The following ELMO1 variants were observed in gnomAD, a reference collection of about 807,000 sequenced individuals.
ELMO1 encodes engulfment and cell motility protein 1.
Under a neutral mutation model 98.9 loss-of-function variants are expected in ELMO1, and 26 were observed. That is an observed-to-expected ratio of 0.26 (90% CI 0.19 to 0.36). The LOEUF (loss-of-function observed/expected upper bound fraction) is 0.36. ELMO1 is among the 10% of genes least tolerant of loss of function. The pLI is 1.00. For synonymous variants in ELMO1, 346 were observed against 346.0 expected (o/e 1.00, Z 0.00); for missense variants, 627 against 935.2 (o/e 0.67, Z 4.30).
At chr7:37,199,558 C>A (rs1792165312) in intron 13 of ELMO1, among the ~76,000 whole-genome samples, 1 of 152,158 alleles carries the variant, frequency 6.6e-6, no homozygotes, top group Admixed American at 6.5e-5. Context: ...TTACTCCCAG[C>A]AATAAGTACT....
chr7:37,124,334 G>A (rs1051994011), intron 14 of ELMO1, among the ~76,000 whole-genome samples: 2 of 152,154 alleles, frequency 1.3e-5, no homozygotes, highest in Non-Finnish European at 2.9e-5. Flanking sequence ...AGGAAAAGAG[G>A]AAGTCCAATT....
At chr7:37,315,896 A>C (rs1293153933) in intron 3 of ELMO1, 24 bp downstream of exon 3, 1 of 1,580,714 alleles carries the variant, frequency 6.3e-7, no homozygotes, top group African/African-American at 1.4e-5. Context: ...AGAATGCCTT[A>C]GATAAATCCT....
At chr7:37,040,625 A>G (rs1421028941) in intron 15 of ELMO1, among the ~76,000 whole-genome samples, 1 of 152,162 alleles carries the variant, frequency 6.6e-6, no homozygotes, top group Admixed American at 6.5e-5. Flanking sequence ...CTAAAGTAGT[A>G]TATGTTTCAC....
intron 14 of ELMO1, among the ~76,000 whole-genome samples, chr7:37,102,674 T>C (rs1784702423): frequency 2.0e-5 from 3 of 152,196 alleles, no homozygotes; most frequent in Admixed American, 2.0e-4. Context: ...CACACACGTG[T>C]ACCAGCACAT....
In ELMO1 at chr7:36,937,299, T is replaced by A. The variant is rs551826799; in HGVS notation, c.1438-42282A>T. ...TAAGAAGATGGCAATATGAAGACAGTCACACAGGGAGAACGCCACGTGACA... is the reference window on the plus strand; with the variant it reads ...TAAGAAGATGGCAATATGAAGACAGACACACAGGGAGAACGCCACGTGACA... On this transcript the variant is annotated intron_variant, in intron 16 of 21. Transcript: ENST00000310758. Among the ~76,000 whole-genome samples, 6 of 152,210 alleles carry A rather than the reference T, an allele frequency of 3.9e-5. No individual in the cohort carries two copies. In the South Asian group the frequency reaches 1.2e-3, roughly 32 times the overall value.
chr7:37,277,076 C>T (rs77458250), intron 4 of ELMO1, among the ~76,000 whole-genome samples: 1,560 of 152,318 alleles, frequency 0.01, 35 homozygotes, highest in African/African-American at 0.036. Flanking sequence ...TGGCACATGC[C>T]GGCACTCAAA....
chr7:37,302,020 T>C (rs1455763057), intron 4 of ELMO1, among the ~76,000 whole-genome samples: 1 of 152,160 alleles, frequency 6.6e-6, no homozygotes, highest in Non-Finnish European at 1.5e-5. Flanking sequence ...TTCTGGAAAA[T>C]AGTATACCTA....
chr7:37,172,695 A>G (rs2129843147), intron 13 of ELMO1, among the ~76,000 whole-genome samples: 1 of 152,356 alleles, frequency 6.6e-6, no homozygotes, highest in Admixed American at 6.5e-5. Context: ...CGACAATACC[A>G]GAACTAGAAC....
chr7:36,985,015 G>A, intron 16 of ELMO1: 2 of 985,360 alleles, frequency 2.0e-6, no homozygotes, highest in Non-Finnish European at 2.4e-6. Flanking sequence ...CAGCTAGAAG[G>A]GTCCCTACAG....
chr7:36,959,370 T>C (rs139640414), intron 16 of ELMO1, among the ~76,000 whole-genome samples: 2 of 152,116 alleles, frequency 1.3e-5, no homozygotes, highest in African/African-American at 4.8e-5. Flanking sequence ...TCACTCAAAA[T>C]AAAAGCCAAA....
chr7:37,372,345 C>T (rs1490784103), intron 1 of ELMO1, among the ~76,000 whole-genome samples: 3 of 152,098 alleles, frequency 2.0e-5, no homozygotes, highest in Non-Finnish European at 2.9e-5. Flanking sequence ...CTGGGTAAAT[C>T]GGTTAACCTT....
intron 1 of ELMO1, among the ~76,000 whole-genome samples, chr7:37,382,396 T>C (rs1802614907): frequency 6.6e-6 from 1 of 152,240 alleles, no homozygotes; most frequent in Non-Finnish European, 1.5e-5. Context: ...TTCTGAACTG[T>C]GAAGGGGTTC....
intron 16 of ELMO1, chr7:37,001,932 G>A (rs1792697807): frequency 6.6e-6 from 1 of 152,230 alleles, no homozygotes; most frequent in South Asian, 2.1e-4. Flanking sequence ...GATCTGTGTT[G>A]GAGGAGATTC....
At chr7:37,025,314 C>G (rs896372578) in intron 15 of ELMO1, among the ~76,000 whole-genome samples, 2 of 152,178 alleles carry the variant, frequency 1.3e-5, no homozygotes, top group African/African-American at 4.8e-5. Flanking sequence ...AAACACTTAT[C>G]TTGCTAAATA....
chr7:36,856,853 T>C (rs1802234206), intron 21 of ELMO1, among the ~76,000 whole-genome samples: 1 of 152,230 alleles, frequency 6.6e-6, no homozygotes, highest in African/African-American at 2.4e-5. Flanking sequence ...GTGGTCTTCC[T>C]TCTACCATGC....
intron 13 of ELMO1, 93 bp from the exon 14 acceptor site, chr7:37,133,327 T>C (rs755550877): frequency 6.6e-6 from 6 of 911,816 alleles, no homozygotes; most frequent in South Asian, 5.1e-5. Flanking sequence ...AGTGAAGTGC[T>C]ACAAGGTAAG....
intron 13 of ELMO1, among the ~76,000 whole-genome samples, chr7:37,176,685 A>G (rs1304027973): frequency 6.6e-6 from 1 of 152,220 alleles, no homozygotes; most frequent in African/African-American, 2.4e-5. Flanking sequence ...TTATTTGACC[A>G]TTTACAAAAT....
chr7:37,030,361 T>G (rs1794812517), intron 15 of ELMO1, among the ~76,000 whole-genome samples: 2 of 152,200 alleles, frequency 1.3e-5, no homozygotes, highest in Non-Finnish European at 2.9e-5. Flanking sequence ...CTGTTTTTTT[T>G]TCCTCTCCCC....
At chr7:37,430,915 G>A (rs1804906707) in intron 1 of ELMO1, among the ~76,000 whole-genome samples, 1 of 152,120 alleles carries the variant, frequency 6.6e-6, no homozygotes, top group Admixed American at 6.5e-5. Flanking sequence ...GATCCCACAA[G>A]GCAGCTCAGG....
Sources: allele counts gnomAD v4.1 joint callset (sites outside exome capture counted in the v4.1 genomes callset), GRCh38; gene constraint gnomAD v4.1.1; transcripts MANE v1.5; gene names NCBI Gene and HGNC (gene_info 2026-07-23, HGNC 2026-07-21).